The following PTPRD variants were observed in gnomAD, a reference collection of about 807,000 sequenced individuals.
PTPRD encodes protein tyrosine phosphatase receptor type D.
A neutral mutation model predicts 214.5 loss-of-function variants in PTPRD; 34 were observed. The ratio of observed to expected loss-of-function variants is 0.16; its 90% CI spans 0.12 to 0.21. The LOEUF (loss-of-function observed/expected upper bound fraction) is 0.21, where lower values mean the gene tolerates loss of function less well. Ranked by LOEUF, PTPRD falls within the 10% of genes least tolerant of loss-of-function variation. The pLI is 1.00. For missense variants in PTPRD, 2,545 were observed against 2,398.7 expected, an observed-to-expected ratio of 1.06 and a Z score of -1.27; for synonymous variants, 1,128 against 845.7, an observed-to-expected ratio of 1.33 and a Z score of -5.79.
At chr9:9,313,750 G>C (rs905108424) in intron 9 of PTPRD, among the ~76,000 whole-genome samples, 1 of 152,144 alleles carries the variant, frequency 6.6e-6, no homozygotes, top group Non-Finnish European at 1.5e-5. Context: ...CAATGCCTCA[G>C]TCCACAGGCA....
At chr9:9,832,894 T>G (rs75160650) in intron 5 of PTPRD, among the ~76,000 whole-genome samples, 1 of 95,776 alleles carries the variant, frequency 1.0e-5, no homozygotes, top group African/African-American at 5.7e-5. Context: ...TTTTTCTATG[T>G]TTTTTTTTTT....
At chr9:10,101,315 A>T in intron 3 of PTPRD, among the ~76,000 whole-genome samples, 1 of 151,622 alleles carries the variant, frequency 6.6e-6, no homozygotes, top group East Asian at 2.0e-4. Flanking sequence ...TGCCTCCTCA[A>T]GCAGATAAAA....
At position 8,330,378 on chromosome 9, in the gene PTPRD, A is replaced by G. The variant is rs374059979; in HGVS notation, c.5534+1204T>C. Among the ~76,000 whole-genome samples the G allele has an allele frequency of 1.3e-4, 20 of 152,182 alleles. 1 individual carries two copies. The South Asian group carries it at 4.2e-3, about 32-fold the overall frequency. ...CCTAATGCTATTGCACACTAAATAGACTATAGTATAAAGTAAACACAACTT... is the reference window on the plus strand; with the variant it reads ...CCTAATGCTATTGCACACTAAATAGGCTATAGTATAAAGTAAACACAACTT... On this transcript the variant is annotated intron_variant, in intron 44 of 45. Coordinates refer to ENST00000381196, the MANE Select transcript of PTPRD (RefSeq NM_002839.4).
intron 9 of PTPRD, among the ~76,000 whole-genome samples, chr9:9,202,089 G>A (rs2099942180): frequency 6.6e-6 from 1 of 152,192 alleles, no homozygotes; most frequent in South Asian, 2.1e-4. Context: ...CCATTTGGAT[G>A]GACTTTGGAT....
intron 3 of PTPRD, among the ~76,000 whole-genome samples, chr9:10,097,589 G>C (rs1201652305): frequency 6.6e-6 from 1 of 151,650 alleles, no homozygotes; most frequent in Non-Finnish European, 1.5e-5. Context: ...CATTGATTTT[G>C]TATCCTGAGA....
chr9:10,158,689 G>A (rs768300145), intron 3 of PTPRD, among the ~76,000 whole-genome samples: 21 of 152,236 alleles, frequency 1.4e-4, no homozygotes, highest in Non-Finnish European at 2.5e-4. Context: ...TATCCACGAT[G>A]CCTCCTCCAA....
At chr9:8,611,563 G>A (rs1382563202) in intron 14 of PTPRD, among the ~76,000 whole-genome samples, 2 of 151,890 alleles carry the variant, frequency 1.3e-5, no homozygotes, top group South Asian at 2.1e-4. Context: ...AAATTAGCAG[G>A]GCATGGTGGT....
intron 3 of PTPRD, among the ~76,000 whole-genome samples, chr9:10,252,022 T>C (rs12236941): frequency 0.51 from 77,376 of 152,096 alleles, 23,515 homozygotes; most frequent in Non-Finnish European, 0.68. Context: ...TGTGAATTGA[T>C]GGGTATGTTA....
chr9:9,464,935 A>T lies in PTPRD; in HGVS notation c.-236-67453T>A, dbSNP rs1275973865. Among the ~76,000 whole-genome samples the T allele has an allele frequency of 7.2e-5, 11 of 152,286 alleles. No individual in the cohort carries two copies. In the South Asian group the frequency reaches 1.0e-3, roughly 14 times the overall value. Reference sequence around the variant, plus strand: ...AGGCGTCTAGAGCATTGTGCATGAAACCTCATGTGCTCATTTTGCATATTT... The same window carrying T: ...AGGCGTCTAGAGCATTGTGCATGAATCCTCATGTGCTCATTTTGCATATTT... On this transcript the variant is annotated intron_variant, in intron 8 of 45. Transcript: ENST00000381196.
At chr9:10,032,318 C>G (rs1452241731) in intron 4 of PTPRD, among the ~76,000 whole-genome samples, 1 of 152,122 alleles carries the variant, frequency 6.6e-6, no homozygotes, top group Non-Finnish European at 1.5e-5. Flanking sequence ...GTAAGCTTAT[C>G]CATGACTAAG....
At chr9:10,033,931 A>G (rs543091405) in intron 3 of PTPRD, 141 bp from the exon 4 acceptor site, 1 of 152,156 alleles carries the variant, frequency 6.6e-6, no homozygotes, top group Non-Finnish European at 1.5e-5. Context: ...ATTAGGGCTA[A>G]GAAATGATAC....
chr9:9,817,608 C>T (rs900966437), intron 5 of PTPRD, among the ~76,000 whole-genome samples: 1 of 152,238 alleles, frequency 6.6e-6, no homozygotes, highest in African/African-American at 2.4e-5. Flanking sequence ...ATACTGATGA[C>T]AGTTAATTTT....
At chr9:10,194,268 T>C (rs900243469) in intron 3 of PTPRD, among the ~76,000 whole-genome samples, 1 of 148,802 alleles carries the variant, frequency 6.7e-6, no homozygotes, top group Non-Finnish European at 1.5e-5. Flanking sequence ...AATACATTAA[T>C]CCACAGGAAG....
At chr9:9,207,417 GA>G (rs199969614) in intron 9 of PTPRD, among the ~76,000 whole-genome samples, 3 of 150,982 alleles carry the variant, frequency 2.0e-5, no homozygotes, top group Non-Finnish European at 3.0e-5. Flanking sequence ...TCTAAAAATA[GA>G]AAAAAAATCA....
At position 10,060,889 on chromosome 9, in the gene PTPRD, CTTCCTTCCTTCTTTCT is replaced by C. The variant is rs1442139640; in HGVS notation, c.-544-27115_-544-27100del. On this transcript the variant is annotated intron_variant, in intron 3 of 45. Transcript: ENST00000381196. ...CCTTCTTTCCTTCCTTCCTTCCTTCCTTCCTTCCTTCTTTCTTTCTTTCTTTCTTTCTTTCTTTCTT... is the reference window on the plus strand; with the variant it reads ...CCTTCTTTCCTTCCTTCCTTCCTTCCTTCTTTCTTTCTTTCTTTCTTTCTT... Among the ~76,000 whole-genome samples the C allele has an allele frequency of 5.8e-3, 441 of 76,308 alleles. 10 individuals are homozygous for C. Among genetic ancestry groups the C allele is most frequent in the African/African-American group, 0.021 (112 of 5,260 alleles). The allele number at this position is 76,308 out of a possible 152,430, so 50.1% of individuals were successfully genotyped here. A position where few individuals can be genotyped will look rare whatever the true frequency, so the allele number is the denominator to read the frequency against.
rs555775488 is a variant in PTPRD, at chr9:9,498,227, C to G, written c.-237+76505G>C. On this transcript the variant is annotated intron_variant, in intron 8 of 45. Coordinates refer to ENST00000381196, the MANE Select transcript of PTPRD (RefSeq NM_002839.4). ...AAAATTATGCTCTTTGAGTGGCATTCTGCAAGAGAAGTGATTTTATTGCTT... is the reference window on the plus strand; with the variant it reads ...AAAATTATGCTCTTTGAGTGGCATTGTGCAAGAGAAGTGATTTTATTGCTT... Among the ~76,000 whole-genome samples the G allele has an allele frequency of 4.4e-3, 671 of 152,226 alleles. 4 individuals carry two copies. Among genetic ancestry groups the G allele is most frequent in the Non-Finnish European group, 8.2e-3 (559 of 67,978 alleles).
At chr9:8,454,007 G>A (rs192528288) in intron 33 of PTPRD, among the ~76,000 whole-genome samples, 1 of 152,278 alleles carries the variant, frequency 6.6e-6, no homozygotes, top group East Asian at 1.9e-4. Context: ...GAGTTAGAAA[G>A]CTAGAGGGTT....
At chr9:9,335,533 C>T (rs2044100160) in intron 9 of PTPRD, among the ~76,000 whole-genome samples, 1 of 151,932 alleles carries the variant, frequency 6.6e-6, no homozygotes, top group Non-Finnish European at 1.5e-5. Context: ...ATTGTTCTTC[C>T]TTGGAACAGT....
rs1484484863 is a variant in PTPRD, at chr9:8,368,024, T to C, written c.4661+7912A>G. 2.0e-5 allele frequency among the ~76,000 whole-genome samples: 3 copies of C among 152,296 alleles called. No individual in the cohort carries two copies. The East Asian group carries it at 5.8e-4, about 29-fold the overall frequency. ...ATTTGAACTCTGTTTGTTAGAACAATTTCAATTGCAGAGTTTTCACTACCA... is the reference window on the plus strand; with the variant it reads ...ATTTGAACTCTGTTTGTTAGAACAACTTCAATTGCAGAGTTTTCACTACCA... On this transcript the variant is annotated intron_variant, in intron 39 of 45. Transcript: ENST00000381196.
Sources: gnomAD v4.1 joint callset for allele counts (sites outside exome capture counted in the v4.1 genomes callset) on GRCh38, gnomAD v4.1.1 for gene constraint, MANE v1.5 for transcripts, NCBI Gene and HGNC (gene_info 2026-07-23, HGNC 2026-07-21) for gene names.